The following FHIT variants were observed in gnomAD, a reference collection of about 807,000 sequenced individuals.
FHIT encodes fragile histidine triad diadenosine triphosphatase.
Under a neutral mutation model 17.9 loss-of-function variants are expected in FHIT, and 19 were observed. The ratio of observed to expected loss-of-function variants is 1.06; its 90% CI spans 0.74 to 1.56. FHIT has a LOEUF of 1.56. Among genes scored for constraint, FHIT ranks in the 40% most tolerant of loss-of-function variants. The pLI is 0.00. For missense variants in FHIT, 248 were observed against 189.2 expected, an observed-to-expected ratio of 1.31 and a Z score of -1.82; for synonymous variants, 81 against 69.7, an observed-to-expected ratio of 1.16 and a Z score of -0.81.
chr3:60,744,271 A>AAAAAAAAAAAAAAAAAAC lies in FHIT; in HGVS notation c.-18+77647_-18+77648insGTTTTTTTTTTTTTTTTT, dbSNP rs2042309303. On this transcript the variant is annotated intron_variant, in intron 4 of 9. Transcript: ENST00000492590. ...TAAAAAAAAAAACAAAACAAAACAA[A>AAAAAAAAAAAAAAAAAAC]AAAAAAAAAAAACAGAAAGAAAAGA... Among the ~76,000 whole-genome samples, 29 of 52,130 alleles carry AAAAAAAAAAAAAAAAAAC rather than the reference A, an allele frequency of 5.6e-4. 2 individuals are homozygous for AAAAAAAAAAAAAAAAAAC. Among genetic ancestry groups the AAAAAAAAAAAAAAAAAAC allele is most frequent in the African/African-American group, 6.8e-4 (6 of 8,808 alleles). The allele number at this position is 52,130 out of a possible 152,430, so 34.2% of individuals were successfully genotyped here.
chr3:59,896,703 C>T (rs1312603860), intron 8 of FHIT, among the ~76,000 whole-genome samples: 2 of 152,106 alleles, frequency 1.3e-5, no homozygotes, highest in Non-Finnish European at 2.9e-5. Context: ...TATGGTTCAG[C>T]AGTGTGGACC....
chr3:61,106,037 C>T (rs1171681122), intron 2 of FHIT, among the ~76,000 whole-genome samples: 1 of 152,110 alleles, frequency 6.6e-6, no homozygotes, highest in East Asian at 1.9e-4. Flanking sequence ...TTCTTTTCAG[C>T]TTTGGAACCC....
chr3:60,154,273 T>C (rs930324269), intron 5 of FHIT, among the ~76,000 whole-genome samples: 5 of 152,154 alleles, frequency 3.3e-5, no homozygotes, highest in Middle Eastern at 3.4e-3. Context: ...AAGCATTCCT[T>C]CCTTGACCTA....
intron 2 of FHIT, among the ~76,000 whole-genome samples, chr3:61,043,225 G>C (rs1234026794): frequency 6.6e-6 from 1 of 152,134 alleles, no homozygotes; most frequent in Non-Finnish European, 1.5e-5. Context: ...GTGACAAATG[G>C]TACCTGGAAA....
At chr3:61,207,466 G>T (rs1353743762) in intron 1 of FHIT, among the ~76,000 whole-genome samples, 1 of 152,094 alleles carries the variant, frequency 6.6e-6, no homozygotes, top group African/African-American at 2.4e-5. Flanking sequence ...TTTTTGGTTG[G>T]TAAGCTATTA....
At chr3:59,866,548 G>C (rs956760170) in intron 8 of FHIT, among the ~76,000 whole-genome samples, 6 of 152,294 alleles carry the variant, frequency 3.9e-5, no homozygotes, top group Non-Finnish European at 4.4e-5. Context: ...ACATAGGCTG[G>C]AGGATCAACA....
chr3:61,067,163 G>T (rs760266496), intron 2 of FHIT, among the ~76,000 whole-genome samples: 8 of 152,154 alleles, frequency 5.3e-5, no homozygotes, highest in Non-Finnish European at 1.2e-4. Context: ...ATGTGGCACT[G>T]TGCACCTGCT....
intron 4 of FHIT, among the ~76,000 whole-genome samples, chr3:60,571,335 CAAAAAAAAAAAAAA>C (rs56094072): frequency 1.8e-5 from 1 of 54,676 alleles, no homozygotes; most frequent in African/African-American, 7.7e-5. Context: ...GACTCCATCG[CAAAAAAAAAAAAAA>C]AAAAAAAAAA....
intron 5 of FHIT, among the ~76,000 whole-genome samples, chr3:60,295,786 T>G (rs745866241): frequency 6.6e-6 from 1 of 152,110 alleles, no homozygotes; most frequent in Non-Finnish European, 1.5e-5. Context: ...AAAAGCAGTT[T>G]AATAGAGAAA....
intron 2 of FHIT, among the ~76,000 whole-genome samples, chr3:61,121,804 A>G (rs984108385): frequency 1.3e-5 from 2 of 152,212 alleles, no homozygotes; most frequent in Admixed American, 6.5e-5. Context: ...GGCAAATTGG[A>G]AAAACAGTTA....
chr3:61,048,370 T>A (rs945131062), intron 2 of FHIT, among the ~76,000 whole-genome samples: 2 of 152,034 alleles, frequency 1.3e-5, no homozygotes, highest in Non-Finnish European at 2.9e-5. Flanking sequence ...AACAGACACA[T>A]GAAAAAATGC....
chr3:60,559,866 T>A (rs188022844), intron 4 of FHIT, among the ~76,000 whole-genome samples: 3 of 152,202 alleles, frequency 2.0e-5, no homozygotes, highest in Non-Finnish European at 4.4e-5. Context: ...TGCTAAGATG[T>A]TGGAGTCTTC....
At chr3:61,198,141 G>A (rs2038907114) in intron 2 of FHIT, among the ~76,000 whole-genome samples, 1 of 151,970 alleles carries the variant, frequency 6.6e-6, no homozygotes, top group South Asian at 2.1e-4. Context: ...ATCAATGAGG[G>A]TTCTGTAGTT....
At chr3:60,620,258 G>A (rs558350673) in intron 4 of FHIT, among the ~76,000 whole-genome samples, 7 of 152,016 alleles carry the variant, frequency 4.6e-5, no homozygotes, top group Non-Finnish European at 8.8e-5. Context: ...AAAATGAAAC[G>A]TACTCTTACC....
At chr3:61,071,014 G>C (rs961824781) in intron 2 of FHIT, among the ~76,000 whole-genome samples, 1 of 152,094 alleles carries the variant, frequency 6.6e-6, no homozygotes, top group African/African-American at 2.4e-5. Flanking sequence ...TTCAATTTGG[G>C]TAGAGATACA....
intron 4 of FHIT, among the ~76,000 whole-genome samples, chr3:60,744,263 C>CAAAAAAAAAAAAAAAGAAAAAAAAAAAAA (rs1201886354): frequency 1.2e-5 from 1 of 85,986 alleles, no homozygotes; most frequent in Non-Finnish European, 2.3e-5. Flanking sequence ...AAAAACAAAA[C>CAAAAAAAAAAAAAAAGAAAAAAAAAAAAA]AAAACAAAAA....
chr3:60,869,982 T>C (rs895101712), intron 3 of FHIT, among the ~76,000 whole-genome samples: 2 of 152,182 alleles, frequency 1.3e-5, no homozygotes, highest in African/African-American at 4.8e-5. Flanking sequence ...TACTTTGATT[T>C]GATTCTTAAT....
At chr3:59,757,388 G>A (rs1701271872) in intron 8 of FHIT, among the ~76,000 whole-genome samples, 1 of 152,184 alleles carries the variant, frequency 6.6e-6, no homozygotes, top group Non-Finnish European at 1.5e-5. Context: ...GGAAGGTAGT[G>A]TTAACAGGAT....
intron 4 of FHIT, among the ~76,000 whole-genome samples, chr3:60,562,763 G>A (rs753780634): frequency 6.6e-6 from 1 of 152,136 alleles, no homozygotes; most frequent in Non-Finnish European, 1.5e-5. Flanking sequence ...ACTTTGAGAA[G>A]CCCTGGAGCT....
Sources: gnomAD v4.1 joint callset for allele counts (sites outside exome capture counted in the v4.1 genomes callset) on GRCh38, gnomAD v4.1.1 for gene constraint, MANE v1.5 for transcripts, NCBI Gene and HGNC (gene_info 2026-07-23, HGNC 2026-07-21) for gene names.